The following GALNT18 variants were observed in gnomAD, a reference collection of about 807,000 sequenced individuals.
GALNT18 encodes the protein polypeptide N-acetylgalactosaminyltransferase 18, also known as GalNAc-transferase 18.
Under a neutral mutation model 69.5 loss-of-function variants are expected in GALNT18, and 44 were observed. That is an observed-to-expected ratio of 0.63 (90% CI 0.50 to 0.81). The LOEUF is 0.81. GALNT18 is among the 40% of genes least tolerant of loss of function. The pLI, the probability that GALNT18 is intolerant of heterozygous loss-of-function variation, is 0.00. For synonymous variants in GALNT18, 364 were observed against 318.2 expected (o/e 1.14, Z -1.53); for missense variants, 715 against 810.0 (o/e 0.88, Z 1.42).
At chr11:11,302,309 T>C (rs962460776) in intron 9 of GALNT18, among the ~76,000 whole-genome samples, 1 of 152,148 alleles carries the variant, frequency 6.6e-6, no homozygotes, top group East Asian at 1.9e-4. Context: ...AAAGAATGGG[T>C]GCCCCATTTT....
chr11:11,533,340 A>G (rs12806481), intron 1 of GALNT18, among the ~76,000 whole-genome samples: 4,143 of 152,280 alleles, frequency 0.027, 76 homozygotes, highest in Non-Finnish European at 0.037. Flanking sequence ...CAGCTGGTCA[A>G]TGAGGAAGCC....
chr11:11,282,649 C>A (rs1849106513), intron 10 of GALNT18, among the ~76,000 whole-genome samples: 1 of 152,126 alleles, frequency 6.6e-6, no homozygotes, highest in Non-Finnish European at 1.5e-5. Context: ...GCTGGTGGTG[C>A]CCCAATGCCT....
intron 3 of GALNT18, among the ~76,000 whole-genome samples, chr11:11,397,780 T>G (rs1397364244): frequency 6.6e-6 from 1 of 152,200 alleles, no homozygotes; most frequent in Admixed American, 6.5e-5. Context: ...CCACAAGGGC[T>G]TATATTTTTA....
chr11:11,490,343 C>A (rs1263213683), intron 1 of GALNT18, among the ~76,000 whole-genome samples: 15 of 151,860 alleles, frequency 9.9e-5, no homozygotes, highest in Admixed American at 9.8e-4. Context: ...GACTTCCCAG[C>A]CTTCAGAACT....
chr11:11,352,036 A>G, intron 6 of GALNT18: 5 of 1,613,644 alleles, frequency 3.1e-6, no homozygotes, highest in Non-Finnish European at 3.4e-6. Context: ...CCAAGGGGTG[A>G]AGGAGTTGGC....
At position 11,356,792 on chromosome 11, in the gene GALNT18, T is replaced by C. The variant is rs1302851207; in HGVS notation, c.1092+15723A>G. On this transcript the variant is annotated intron_variant, in intron 6 of 10. Coordinates refer to ENST00000227756, the MANE Select transcript of GALNT18 (RefSeq NM_198516.3). The surrounding 1 kb of genome is among the most constrained non-coding windows in gnomAD (Gnocchi z 4.4). ...CCTGAGTAAAATTGTTCTTGGGCACTCTCCTTCTGCTCCCCACCATTTCTA... is the reference window on the plus strand; with the variant it reads ...CCTGAGTAAAATTGTTCTTGGGCACCCTCCTTCTGCTCCCCACCATTTCTA... Among the ~76,000 whole-genome samples, 1 of 152,204 alleles carries C rather than the reference T, an allele frequency of 6.6e-6. No homozygotes were observed. The highest frequency in any genetic ancestry group is 1.9e-4 in the East Asian group (1 of 5,194).
chr11:11,367,161 A>G (rs545336634), intron 6 of GALNT18, among the ~76,000 whole-genome samples: 2 of 152,296 alleles, frequency 1.3e-5, no homozygotes, highest in East Asian at 1.9e-4. Flanking sequence ...TCTACTCCCA[A>G]TCAGATCTTG....
intron 6 of GALNT18, among the ~76,000 whole-genome samples, chr11:11,355,080 G>A (rs1850500319): frequency 1.3e-5 from 2 of 152,110 alleles, no homozygotes; most frequent in African/African-American, 4.8e-5. Flanking sequence ...CTCTTCCCTG[G>A]TCTTTCTGCG....
chr11:11,330,808 T>C (rs1485547698), intron 8 of GALNT18, among the ~76,000 whole-genome samples: 2 of 152,198 alleles, frequency 1.3e-5, no homozygotes, highest in African/African-American at 4.8e-5. Flanking sequence ...TGAGAATGCC[T>C]TTGGCCAAGA....
intron 1 of GALNT18, among the ~76,000 whole-genome samples, chr11:11,509,207 A>C (rs1159052730): frequency 6.6e-6 from 1 of 152,126 alleles, no homozygotes; most frequent in Admixed American, 6.5e-5. Flanking sequence ...AATCTGTGAC[A>C]ATTAGGGCCC....
chr11:11,353,357 C>A, intron 6 of GALNT18: 1 of 597,170 alleles, frequency 1.7e-6, no homozygotes, highest in South Asian at 2.1e-5. Context: ...ATCTGAGAGT[C>A]ATTTTTATCA....
intron 3 of GALNT18, among the ~76,000 whole-genome samples, chr11:11,385,272 G>A (rs1854021972): frequency 6.6e-6 from 1 of 150,846 alleles, no homozygotes; most frequent in African/African-American, 2.4e-5. Context: ...CTCCCATTAG[G>A]CCCCACCTCC....
chr11:11,325,783 C>T (rs1329822268), intron 9 of GALNT18, among the ~76,000 whole-genome samples: 4 of 152,090 alleles, frequency 2.6e-5, no homozygotes, highest in Non-Finnish European at 1.5e-5. Context: ...GAACGTGTTG[C>T]CATACTGGGT....
intron 10 of GALNT18, among the ~76,000 whole-genome samples, chr11:11,274,603 A>C (rs1046854606): frequency 1.3e-5 from 2 of 152,178 alleles, no homozygotes; most frequent in Admixed American, 6.6e-5. Context: ...CAGAATGTGC[A>C]GTTTTGTTAC....
intron 1 of GALNT18, among the ~76,000 whole-genome samples, chr11:11,569,676 A>G (rs569642258): frequency 8.4e-4 from 128 of 152,290 alleles, no homozygotes; most frequent in Admixed American, 2.9e-3. Flanking sequence ...TGGCTGAACA[A>G]TACCCAATGT....
At position 11,394,461 on chromosome 11, in the gene GALNT18, C is replaced by A. The variant is rs16909582; in HGVS notation, c.596-15197G>T. 3.8e-3 allele frequency among the ~76,000 whole-genome samples: 579 copies of A among 152,274 alleles called. 2 individuals are homozygous for A. The highest frequency in any genetic ancestry group is 0.013 in the African/African-American group (548 of 41,548). On this transcript the variant is annotated intron_variant, in intron 3 of 10. Coordinates refer to ENST00000227756, the MANE Select transcript of GALNT18 (RefSeq NM_198516.3). ...AAAACATTAGGAAGTCATAAGGAAG[C>A]TTTGTTTGGATTCCTCCCACCTAAA... is the stretch of plus-strand genomic sequence containing the variant.
intron 6 of GALNT18, among the ~76,000 whole-genome samples, chr11:11,353,762 G>A (rs563733090): frequency 8.5e-5 from 13 of 152,266 alleles, no homozygotes; most frequent in African/African-American, 3.1e-4. Flanking sequence ...AAAGGGTGTT[G>A]CCATGATAAG....
chr11:11,357,644 T>A (rs534266961), intron 6 of GALNT18, among the ~76,000 whole-genome samples: 30 of 152,314 alleles, frequency 2.0e-4, no homozygotes, highest in African/African-American at 7.2e-4. Flanking sequence ...TCCAGGCTCC[T>A]CCACTTTTTC....
Position 11,562,999 on chromosome 11 carries a change from G to A in GALNT18, c.235+58360C>T, listed in dbSNP as rs1042844651. Among the ~76,000 whole-genome samples the A allele has an allele frequency of 7.9e-5, 12 of 152,020 alleles. No individual in the cohort carries two copies. Among genetic ancestry groups the A allele is most frequent in the African/African-American group, 1.9e-4 (8 of 41,372 alleles). On this transcript the variant is annotated intron_variant, in intron 1 of 10. Coordinates refer to ENST00000227756, the MANE Select transcript of GALNT18 (RefSeq NM_198516.3). The surrounding 1 kb of genome is among the most constrained non-coding windows in gnomAD (Gnocchi z 4.1). ...CTTCCAACATGTGCTCTTTCTCTCC[G>A]TGCCTTCTACAATTTGCCAACTTGG...
Sources: allele counts gnomAD v4.1 joint callset (sites outside exome capture counted in the v4.1 genomes callset), GRCh38; gene constraint gnomAD v4.1.1; non-coding constraint Gnocchi (gnomAD v3.1); transcripts MANE v1.5; gene names NCBI Gene and HGNC (gene_info 2026-07-23, HGNC 2026-07-21).